PDE4B: variants seen among roughly 807,000 people sequenced by gnomAD.
PDE4B encodes the protein 3',5'-cyclic-AMP phosphodiesterase 4B.
PDE4B carries 20 observed loss-of-function variants against 82.2 expected under a neutral mutation model. The observed-to-expected ratio is 0.24, with a 90% CI of 0.17 to 0.35. The LOEUF is 0.35. Among genes scored for constraint, PDE4B ranks in the 10% least tolerant of loss-of-function variants. PDE4B has a pLI of 1.00. For missense variants in PDE4B, 655 were observed against 907.2 expected (o/e 0.72, Z 3.57); for synonymous variants, 320 against 318.9 (o/e 1.00, Z -0.04).
chr1:66,035,302 C>T (rs1654003952), intron 3 of PDE4B, among the ~76,000 whole-genome samples: 1 of 152,094 alleles, frequency 6.6e-6, no homozygotes, highest in South Asian at 2.1e-4. Flanking sequence ...TCCATTACCT[C>T]AAATATTTGT....
intron 3 of PDE4B, among the ~76,000 whole-genome samples, chr1:65,995,515 TGA>T (rs1372746385): frequency 6.6e-6 from 1 of 152,176 alleles, no homozygotes; most frequent in East Asian, 1.9e-4. Context: ...GTCTTTCCAA[TGA>T]ATATAGATGG....
intron 3 of PDE4B, among the ~76,000 whole-genome samples, chr1:66,189,533 T>G (rs552144139): frequency 1.3e-5 from 2 of 152,204 alleles, no homozygotes; most frequent in Non-Finnish European, 2.9e-5. Context: ...TGTTTGTTTC[T>G]TTTTATTCTT....
chr1:65,963,942 A>T (rs889496078), intron 3 of PDE4B, among the ~76,000 whole-genome samples: 8 of 152,168 alleles, frequency 5.3e-5, no homozygotes, highest in Admixed American at 5.2e-4. Context: ...TGTATGTAAA[A>T]ATCTTTATAC....
At chr1:65,874,728 A>G (rs1392701062) in intron 1 of PDE4B, among the ~76,000 whole-genome samples, 1 of 151,564 alleles carries the variant, frequency 6.6e-6, no homozygotes, top group Non-Finnish European at 1.5e-5. Flanking sequence ...GGTGCTGGGA[A>G]AACTGGCTAG....
intron 1 of PDE4B, among the ~76,000 whole-genome samples, chr1:65,909,243 T>C (rs535720688): frequency 6.6e-6 from 1 of 152,310 alleles, no homozygotes; most frequent in South Asian, 2.1e-4. Context: ...ATAAAAGATA[T>C]TTTTTAAATT....
intron 8 of PDE4B, among the ~76,000 whole-genome samples, chr1:66,339,456 T>G (rs1660792327): frequency 1.3e-5 from 2 of 152,258 alleles, no homozygotes; most frequent in African/African-American, 2.4e-5. Context: ...TCATTGGTTT[T>G]AACAGAACCA....
At chr1:65,905,767 C>G (rs1647022017) in intron 1 of PDE4B, among the ~76,000 whole-genome samples, 1 of 152,014 alleles carries the variant, frequency 6.6e-6, no homozygotes, top group African/African-American at 2.4e-5. Context: ...CATTTTTTCA[C>G]CTAATGAACC....
intron 4 of PDE4B, among the ~76,000 whole-genome samples, chr1:66,254,154 C>T (rs1202066433): frequency 6.6e-6 from 1 of 152,126 alleles, no homozygotes; most frequent in Non-Finnish European, 1.5e-5. Flanking sequence ...GTCCCAAATT[C>T]ATCCTGTTGT....
intron 8 of PDE4B, among the ~76,000 whole-genome samples, chr1:66,345,706 G>C (rs1270863630): frequency 6.6e-6 from 1 of 152,172 alleles, no homozygotes; most frequent in Non-Finnish European, 1.5e-5. Flanking sequence ...CTGGAATCCT[G>C]TTTCCTGTTG....
chr1:66,329,391 AAGAG>A (rs1167690319), intron 7 of PDE4B, among the ~76,000 whole-genome samples: 1 of 152,198 alleles, frequency 6.6e-6, no homozygotes, highest in Non-Finnish European at 1.5e-5. Context: ...GACAAGTTGA[AAGAG>A]AGAATGCAGA....
At chr1:66,059,835 A>G (rs1251137937) in intron 3 of PDE4B, among the ~76,000 whole-genome samples, 1 of 152,152 alleles carries the variant, frequency 6.6e-6, no homozygotes, top group Non-Finnish European at 1.5e-5. Flanking sequence ...CATGGGATCA[A>G]AAGAGAGCTT....
At chr1:65,818,653 T>C (rs1452237967) in intron 1 of PDE4B, among the ~76,000 whole-genome samples, 1 of 139,676 alleles carries the variant, frequency 7.2e-6, no homozygotes, top group African/African-American at 2.7e-5. Context: ...TACATATATA[T>C]ATATGCATAC....
intron 3 of PDE4B, among the ~76,000 whole-genome samples, chr1:66,115,614 C>T (rs187219122): frequency 2.0e-5 from 3 of 152,330 alleles, no homozygotes; most frequent in Admixed American, 2.0e-4. Flanking sequence ...GAATGCCAGA[C>T]TATGGGGGCG....
intron 2 of PDE4B, among the ~76,000 whole-genome samples, chr1:65,918,340 C>G (rs975615658): frequency 6.6e-6 from 1 of 152,154 alleles, no homozygotes. Flanking sequence ...AATCCACATG[C>G]TACAACTAGT....
At chr1:65,828,168 C>A (rs915286883) in intron 1 of PDE4B, among the ~76,000 whole-genome samples, 4 of 130,222 alleles carry the variant, frequency 3.1e-5, no homozygotes, top group African/African-American at 1.2e-4. Context: ...TCATATAGAT[C>A]AAAAAATGGA....
intron 1 of PDE4B, among the ~76,000 whole-genome samples, chr1:65,851,573 G>A (rs998586539): frequency 3.3e-5 from 5 of 151,838 alleles, no homozygotes; most frequent in South Asian, 2.1e-4. Flanking sequence ...TTAATCATTC[G>A]TGGTTTATGA....
At chr1:65,844,700 C>T (rs537780473) in intron 1 of PDE4B, among the ~76,000 whole-genome samples, 2 of 152,138 alleles carry the variant, frequency 1.3e-5, no homozygotes, top group East Asian at 3.9e-4. Flanking sequence ...TTATTCTCCC[C>T]ACAAACACAT....
At chr1:65,945,564 C>T (rs977009047) in intron 3 of PDE4B, among the ~76,000 whole-genome samples, 5 of 151,970 alleles carry the variant, frequency 3.3e-5, no homozygotes, top group African/African-American at 1.2e-4. Flanking sequence ...GAGATGGTCT[C>T]AACTTTGCTT....
chr1:66,062,496 A>C (rs905578748), intron 3 of PDE4B, among the ~76,000 whole-genome samples: 1 of 152,086 alleles, frequency 6.6e-6, no homozygotes, highest in East Asian at 1.9e-4. Flanking sequence ...AGGAAGAAGA[A>C]AAAATGTTGA....
Sources: allele counts gnomAD v4.1 joint callset (sites outside exome capture counted in the v4.1 genomes callset), GRCh38; gene constraint gnomAD v4.1.1; transcripts MANE v1.5; gene names NCBI Gene and HGNC (gene_info 2026-07-23, HGNC 2026-07-21).